GLIS1: variants seen among roughly 807,000 people sequenced by gnomAD.
The protein encoded by GLIS1 is GLIS family zinc finger 1.
A neutral mutation model predicts 63.8 loss-of-function variants in GLIS1; 24 were observed. The observed-to-expected ratio is 0.38, with a 90% CI of 0.27 to 0.53. The LOEUF (loss-of-function observed/expected upper bound fraction) is 0.53, where lower values mean the gene tolerates loss of function less well. Among genes scored for constraint, GLIS1 ranks in the 20% least tolerant of loss-of-function variants. The pLI is 0.85. For missense variants in GLIS1, 1,036 were observed against 1,074.1 expected, an observed-to-expected ratio of 0.96 and a Z score of 0.50; for synonymous variants, 450 against 482.5, an observed-to-expected ratio of 0.93 and a Z score of 0.88.
Position 53,553,256 on chromosome 1 carries a change from C to A in GLIS1, c.1321-23304G>T, listed in dbSNP as rs144783685. Among the ~76,000 whole-genome samples the A allele has an allele frequency of 4.0e-3, 610 of 152,262 alleles. 4 individuals carry two copies. The highest frequency in any genetic ancestry group is 0.014 in the African/African-American group (587 of 41,542). On this transcript the variant is annotated intron_variant, in intron 4 of 10. Transcript: ENST00000628545. ...TTATTCCATCCAAGCTTCCCCAGCA[C>A]AGGAATCCACTCCATGGTGCCCTGC...
intron 2 of GLIS1, among the ~76,000 whole-genome samples, chr1:53,728,438 T>G (rs1283751754): frequency 4.6e-5 from 7 of 152,134 alleles, no homozygotes; most frequent in African/African-American, 1.7e-4. Context: ...GCCTTGGAGA[T>G]CATTACTATT....
chr1:53,646,478 T>A lies in GLIS1; in HGVS notation c.260-46200A>T, dbSNP rs1645845332. On this transcript the variant is annotated intron_variant, in intron 2 of 10. Transcript: ENST00000628545. This position sits in a 1 kb window ranked among gnomAD's most constrained non-coding sequence, Gnocchi z 4.2. ...TAGAATAACATCAAATACATACGGA[T>A]AAATCTAACACAAGATATACAAGAC... 6.6e-6 allele frequency among the ~76,000 whole-genome samples: 1 copy of A among 152,176 alleles called. No individual in the cohort carries two copies. Among genetic ancestry groups the A allele is most frequent in the Admixed American group, 6.5e-5 (1 of 15,278 alleles).
At chr1:53,568,087 C>A (rs1278347496) in intron 4 of GLIS1, among the ~76,000 whole-genome samples, 1 of 152,222 alleles carries the variant, frequency 6.6e-6, no homozygotes, top group Non-Finnish European at 1.5e-5. Context: ...GTACTCAACA[C>A]CAGCTCATGA....
rs112532161 is a variant in GLIS1 at position 53,612,301 on chromosome 1, G to A, written c.260-12023C>T. The stretch of plus-strand genomic sequence containing the variant: ...GTCACCCAAGCTGGAGTGCAGTGGC[G>A]CGATCTCGGCTCACAGCAAGCTCCG... On this transcript the variant is annotated intron_variant, in intron 2 of 10. Transcript: ENST00000628545. 7.7e-3 allele frequency among the ~76,000 whole-genome samples: 1,160 copies of A among 151,512 alleles called. 23 individuals are homozygous for A. Among genetic ancestry groups the A allele is most frequent in the African/African-American group, 0.027 (1,123 of 41,290 alleles).
chr1:53,553,370 C>A (rs1461603853), intron 4 of GLIS1, among the ~76,000 whole-genome samples: 5 of 152,148 alleles, frequency 3.3e-5, no homozygotes, highest in Admixed American at 3.3e-4. Flanking sequence ...CTCCATTCAT[C>A]CATTCATCCA....
At chr1:53,612,293 G>A (rs1190966178) in intron 2 of GLIS1, among the ~76,000 whole-genome samples, 1 of 152,094 alleles carries the variant, frequency 6.6e-6, no homozygotes, top group Non-Finnish European at 1.5e-5. Flanking sequence ...AAGCTGGAGT[G>A]CAGTGGCGCG....
At chr1:53,695,414 T>C (rs6665257) in intron 2 of GLIS1, among the ~76,000 whole-genome samples, 41,848 of 152,092 alleles carry the variant, frequency 0.28, 6,548 homozygotes, top group African/African-American at 0.43. Flanking sequence ...CTGGGTGAGC[T>C]GAAGACTAAC....
At chr1:53,712,916 C>T (rs947878675) in intron 2 of GLIS1, among the ~76,000 whole-genome samples, 8 of 152,098 alleles carry the variant, frequency 5.3e-5, no homozygotes, top group South Asian at 2.1e-4. Flanking sequence ...AATGTGAATA[C>T]GGACCCAGGA....
chr1:53,690,293 C>G (rs983104138), intron 2 of GLIS1, among the ~76,000 whole-genome samples: 1 of 152,246 alleles, frequency 6.6e-6, no homozygotes, highest in Non-Finnish European at 1.5e-5. Flanking sequence ...CCCCAGGCTC[C>G]GCTGCCCCCA....
chr1:53,720,757 A>G (rs1039285795), intron 2 of GLIS1, among the ~76,000 whole-genome samples: 1 of 152,194 alleles, frequency 6.6e-6, no homozygotes, highest in Non-Finnish European at 1.5e-5. Flanking sequence ...AAAAATATGT[A>G]CAACTATTAT....
chr1:53,659,544 C>T (rs919945725), intron 2 of GLIS1, among the ~76,000 whole-genome samples: 3 of 152,220 alleles, frequency 2.0e-5, no homozygotes, highest in African/African-American at 7.2e-5. Context: ...CCAAGACTGG[C>T]ACCCAGGTCT....
At chr1:53,555,380 A>G (rs1026022593) in intron 4 of GLIS1, among the ~76,000 whole-genome samples, 4 of 152,178 alleles carry the variant, frequency 2.6e-5, no homozygotes, top group African/African-American at 9.7e-5. Context: ...AATACAAAAA[A>G]TTAGCTGGGC....
At chr1:53,578,952 G>A (rs1426807492) in intron 4 of GLIS1, among the ~76,000 whole-genome samples, 1 of 151,676 alleles carries the variant, frequency 6.6e-6, no homozygotes, top group African/African-American at 2.4e-5. Flanking sequence ...GCAGCCCCAG[G>A]ATCTGCAGGC....
intron 2 of GLIS1, among the ~76,000 whole-genome samples, chr1:53,707,357 A>T (rs932437197): frequency 1.2e-4 from 18 of 152,360 alleles, no homozygotes; most frequent in African/African-American, 4.3e-4. Flanking sequence ...TTGCTATTAA[A>T]GAAATCAAAA....
At chr1:53,695,407 G>C (rs1157565620) in intron 2 of GLIS1, among the ~76,000 whole-genome samples, 1 of 147,002 alleles carries the variant, frequency 6.8e-6, no homozygotes, top group Admixed American at 6.7e-5. Flanking sequence ...TTCCAGGCTG[G>C]GTGAGCTGAA....
At chr1:53,635,045 G>C (rs1645708312) in intron 2 of GLIS1, among the ~76,000 whole-genome samples, 1 of 152,064 alleles carries the variant, frequency 6.6e-6, no homozygotes, top group Admixed American at 6.5e-5. Context: ...AGTCAACAGA[G>C]GTTGTCTCTG....
chr1:53,542,557 C>T (rs1454494628), intron 4 of GLIS1, among the ~76,000 whole-genome samples: 1 of 152,168 alleles, frequency 6.6e-6, no homozygotes, highest in Non-Finnish European at 1.5e-5. Context: ...CAGTCACCTC[C>T]CAAATTAGTT....
At position 53,577,964 on chromosome 1, in the gene GLIS1, G is replaced by A. The variant is rs140698991; in HGVS notation, c.1320+16144C>T. On this transcript the variant is annotated intron_variant, in intron 4 of 10. Coordinates refer to ENST00000628545, the MANE Select transcript of GLIS1 (RefSeq NM_001367484.1). ...CTGGAAGCCCTTTTATCTCCTCCAC[G>A]ATGCCATCCTGATCCCCCTACCCTA... Among the ~76,000 whole-genome samples, 7 of 152,082 alleles carry A rather than the reference G, an allele frequency of 4.6e-5. No homozygotes were observed. The East Asian group carries it at 9.7e-4, about 21-fold the overall frequency.
intron 4 of GLIS1, among the ~76,000 whole-genome samples, chr1:53,543,433 A>G (rs577988392): frequency 7.4e-4 from 112 of 152,294 alleles, no homozygotes; most frequent in Admixed American, 4.7e-3. Flanking sequence ...AGAGGGCCTG[A>G]GCCCAGGGCC....
Sources: gnomAD v4.1 joint callset for allele counts (sites outside exome capture counted in the v4.1 genomes callset) on GRCh38, gnomAD v4.1.1 for gene constraint, Gnocchi (gnomAD v3.1) non-coding constraint, MANE v1.5 for transcripts, NCBI Gene and HGNC (gene_info 2026-07-23, HGNC 2026-07-21) for gene names.